Variants in OPCML observed in about 807,000 individuals in gnomAD.
OPCML encodes the protein opioid binding protein/cell adhesion molecule like, also known as opioid-binding protein/cell adhesion molecule.
In OPCML, 13 loss-of-function variants were observed where a neutral mutation model predicts 37.8. The ratio of observed to expected loss-of-function variants is 0.34; its 90% CI spans 0.22 to 0.55. OPCML has a LOEUF of 0.55. Among genes scored for constraint, OPCML ranks in the 20% least tolerant of loss-of-function variants. The pLI is 0.91. For missense variants in OPCML, 341 were observed against 435.6 expected (o/e 0.78, Z 1.93); for synonymous variants, 176 against 168.8 (o/e 1.04, Z -0.33).
At chr11:132,682,775 G>A (rs527832613) in intron 2 of OPCML, among the ~76,000 whole-genome samples, 8 of 152,234 alleles carry the variant, frequency 5.3e-5, no homozygotes, top group Non-Finnish European at 7.3e-5. Context: ...TCTTTCTCCC[G>A]TTACATAGAT....
intron 1 of OPCML, among the ~76,000 whole-genome samples, chr11:133,175,291 G>C (rs1950350871): frequency 6.6e-6 from 1 of 152,094 alleles, no homozygotes; most frequent in Admixed American, 6.5e-5. Context: ...TGAGAGGAAG[G>C]ACTCACATCT....
At chr11:133,463,977 C>T (rs1049448184) in intron 1 of OPCML, among the ~76,000 whole-genome samples, 11 of 152,036 alleles carry the variant, frequency 7.2e-5, no homozygotes, top group Admixed American at 7.2e-4. Context: ...TTCTTTTTTT[C>T]CCAGAGCTCA....
At chr11:132,825,055 C>T (rs1940217049) in intron 2 of OPCML, among the ~76,000 whole-genome samples, 2 of 152,134 alleles carry the variant, frequency 1.3e-5, no homozygotes, top group Non-Finnish European at 2.9e-5. Flanking sequence ...TTGTTATTCC[C>T]ACCCTTCATC....
chr11:133,425,799 A>G (rs993841625), intron 1 of OPCML, among the ~76,000 whole-genome samples: 2 of 152,164 alleles, frequency 1.3e-5, no homozygotes, highest in African/African-American at 4.8e-5. Context: ...ACACGAATAC[A>G]TTCATCTCCT....
At chr11:133,423,413 CAGAG>C in intron 1 of OPCML, 1 of 985,364 alleles carries the variant, frequency 1.0e-6, no homozygotes, top group Non-Finnish European at 1.2e-6. Flanking sequence ...GGAGATAACT[CAGAG>C]AGTTCCGCCT....
intron 1 of OPCML, among the ~76,000 whole-genome samples, chr11:133,463,995 C>T (rs976503496): frequency 6.6e-6 from 1 of 152,076 alleles, no homozygotes; most frequent in Non-Finnish European, 1.5e-5. Flanking sequence ...TCATATCTAT[C>T]CACTGGTCCC....
intron 1 of OPCML, among the ~76,000 whole-genome samples, chr11:133,135,702 G>C (rs888664073): frequency 1.3e-5 from 2 of 152,196 alleles, no homozygotes; most frequent in East Asian, 3.9e-4. Flanking sequence ...GCTCTATGGA[G>C]TTAACATTCC....
chr11:133,076,894 C>A (rs766679), intron 1 of OPCML, among the ~76,000 whole-genome samples: 10,048 of 152,090 alleles, frequency 0.066, 542 homozygotes, highest in East Asian at 0.2. Context: ...AAGGCCCAGA[C>A]AAAAAGATTG....
chr11:132,749,663 G>T (rs1020561900), intron 2 of OPCML, among the ~76,000 whole-genome samples: 4 of 152,016 alleles, frequency 2.6e-5, no homozygotes, highest in Non-Finnish European at 5.9e-5. Context: ...GCCACCCAGG[G>T]GTACAGTAAA....
intron 7 of OPCML, among the ~76,000 whole-genome samples, chr11:132,434,883 T>C (rs943552661): frequency 6.6e-6 from 1 of 152,160 alleles, no homozygotes; most frequent in African/African-American, 2.4e-5. Flanking sequence ...AGAATGAGCA[T>C]TCTTTTCAAA....
At chr11:132,996,634 A>AT (rs1485426792) in intron 1 of OPCML, among the ~76,000 whole-genome samples, 2 of 151,700 alleles carry the variant, frequency 1.3e-5, no homozygotes, top group Non-Finnish European at 2.9e-5. Context: ...AAAAAAAAAA[A>AT]AATACTTGAC....
At chr11:133,426,600 C>T (rs527770622) in intron 1 of OPCML, among the ~76,000 whole-genome samples, 2 of 152,140 alleles carry the variant, frequency 1.3e-5, no homozygotes, top group African/African-American at 4.8e-5. Flanking sequence ...CCCCCGACGC[C>T]CACACCAACC....
chr11:133,471,457 T>C (rs537010049), intron 1 of OPCML, among the ~76,000 whole-genome samples: 1 of 152,290 alleles, frequency 6.6e-6, no homozygotes, highest in African/African-American at 2.4e-5. Context: ...AGAGAGAATA[T>C]TGGCTTGTAT....
At chr11:133,367,620 G>C (rs544116235) in intron 1 of OPCML, among the ~76,000 whole-genome samples, 1 of 152,354 alleles carries the variant, frequency 6.6e-6, no homozygotes, top group East Asian at 1.9e-4. Context: ...GAGAAGGGTG[G>C]CACAGTTAAG....
intron 1 of OPCML, chr11:133,418,659 G>A (rs1945817531): frequency 6.0e-6 from 1 of 166,294 alleles, no homozygotes; most frequent in Non-Finnish European, 1.2e-5. Flanking sequence ...TTAAAGTAAG[G>A]TTGATAATAG....
rs900718586 is a variant in OPCML at position 133,386,368 on chromosome 11, C to T, written c.61+145896G>A. ...TAAATCCACTTCCTCTTTCAAGAGCCGTTTGCTTATGGCGCATTTAATAGC... is the reference window on the plus strand; with the variant it reads ...TAAATCCACTTCCTCTTTCAAGAGCTGTTTGCTTATGGCGCATTTAATAGC... On this transcript the variant is annotated intron_variant, in intron 1 of 7. Coordinates refer to ENST00000524381, the MANE Select transcript of OPCML (RefSeq NM_001012393.5). Among the ~76,000 whole-genome samples, 5 of 152,282 alleles carry T rather than the reference C, an allele frequency of 3.3e-5. No homozygotes were observed. In the East Asian group the frequency reaches 5.8e-4, roughly 18 times the overall value.
chr11:132,637,747 C>G (rs1250319210), intron 3 of OPCML, among the ~76,000 whole-genome samples: 1 of 152,232 alleles, frequency 6.6e-6, no homozygotes, highest in African/African-American at 2.4e-5. Flanking sequence ...GTATTAGAAC[C>G]TGGCAGTGCT....
intron 1 of OPCML, among the ~76,000 whole-genome samples, chr11:133,236,475 T>C (rs1241205131): frequency 6.6e-6 from 1 of 151,964 alleles, no homozygotes; most frequent in Non-Finnish European, 1.5e-5. Context: ...GTTAGTATTG[T>C]GGGTGTAAAA....
chr11:133,285,104 T>A (rs577728266), intron 1 of OPCML, among the ~76,000 whole-genome samples: 1 of 151,658 alleles, frequency 6.6e-6, no homozygotes, highest in East Asian at 1.9e-4. Flanking sequence ...GGAAGGGAAA[T>A]AAGGAGAATT....
Sources: allele counts gnomAD v4.1 joint callset (sites outside exome capture counted in the v4.1 genomes callset), GRCh38; gene constraint gnomAD v4.1.1; transcripts MANE v1.5; gene names NCBI Gene and HGNC (gene_info 2026-07-23, HGNC 2026-07-21).